The following ZNF783 variants were observed in gnomAD, a reference collection of about 807,000 sequenced individuals.
ZNF783 encodes zinc finger protein 783.
ZNF783 carries 25 observed loss-of-function variants against 31.3 expected under a neutral mutation model. The observed-to-expected ratio is 0.80, with a 90% confidence interval of 0.58 to 1.11. ZNF783 has a LOEUF of 1.11. ZNF783 is among the 50% of genes most tolerant of loss of function. The pLI is 0.00. For missense variants in ZNF783, 797 were observed against 760.0 expected (o/e 1.05, Z -0.57); for synonymous variants, 369 against 319.1 (o/e 1.16, Z -1.66).
In ZNF783 at chr7:149,278,346, C is replaced by T. The variant is rs538379281; in HGVS notation, c.674-53C>T. 2.5e-6 allele frequency: 4 copies of T among 1,593,652 alleles called. No individual in the cohort carries two copies. The African/African-American group carries it at 4.0e-5, about 16-fold the overall frequency. On this transcript the variant is annotated intron_variant, in intron 4 of 5. Transcript: ENST00000434415. ...CTTTCCCCAGAGGGTCCCTGGTCAT[C>T]TGGGCAGGAGACCTCCATGTTGTGC...
chr7:149,270,023 G>A (rs1170294053), intron 4 of ZNF783, among the ~76,000 whole-genome samples: 1 of 152,114 alleles, frequency 6.6e-6, no homozygotes, highest in Non-Finnish European at 1.5e-5. Context: ...TGGCTGCATA[G>A]TATTCCATGG....
intron 4 of ZNF783, among the ~76,000 whole-genome samples, chr7:149,267,569 G>A (rs1004986609): frequency 5.3e-5 from 8 of 152,218 alleles, no homozygotes; most frequent in East Asian, 3.9e-4. Flanking sequence ...AGGCTGAGGC[G>A]GGCGGATCAT....
chr7:149,265,872 C>T (rs1211912154), intron 1 of ZNF783, among the ~76,000 whole-genome samples: 2 of 152,370 alleles, frequency 1.3e-5, no homozygotes, highest in African/African-American at 2.4e-5. Flanking sequence ...GTTGAAAACA[C>T]CTTGCCCACA....
rs569158293 is a variant in ZNF783, at chr7:149,263,246, A to T, written c.24+889A>T. ...CCGGCCATTTTAAAATTTTTTAATT[A>T]AAAAAGTATATATATATACGTGTGT... On this transcript the variant is annotated intron_variant, in intron 1 of 5. Coordinates refer to ENST00000434415, the MANE Select transcript of ZNF783 (RefSeq NM_001195220.2). Among the ~76,000 whole-genome samples, 166 of 150,482 alleles carry T rather than the reference A, an allele frequency of 1.1e-3. 1 individual carries two copies. The highest frequency in any genetic ancestry group is 0.01 in the Middle Eastern group (3 of 290).
At chr7:149,270,890 GGAAA>G (rs1161491166) in intron 4 of ZNF783, among the ~76,000 whole-genome samples, 8 of 151,986 alleles carry the variant, frequency 5.3e-5, no homozygotes, top group Non-Finnish European at 1.2e-4. Context: ...ACATATTTTT[GGAAA>G]GAAAAAAGAA....
At chr7:149,262,449 G>C in intron 1 of ZNF783, 92 bp downstream of exon 1, 1 of 1,051,726 alleles carries the variant, frequency 9.5e-7, no homozygotes, top group Admixed American at 4.7e-5. Flanking sequence ...AGGCCGCGGG[G>C]TGAGAGGGCC....
intron 1 of ZNF783, among the ~76,000 whole-genome samples, chr7:149,262,723 CG>C (rs1009286221): frequency 2.0e-5 from 3 of 152,186 alleles, no homozygotes; most frequent in African/African-American, 7.2e-5. Flanking sequence ...GCCAGCCCCA[CG>C]GGACAGTAGC....
chr7:149,282,213 A>T lies in ZNF783; in HGVS notation c.1511A>T (p.Asn504Ile). The stretch of plus-strand genomic sequence containing the variant: ...TGCCCCCAGTGTGGCCGGACCTTCA[A>T]CCGCAACCACCACCTGGCCGTGCAC... ...YQCPQCGRTF[N>I]RNHHLAVHMQ... The change falls in exon 6 of 6, where the codon AAC (asparagine) becomes ATC (isoleucine). Residue 504 changes from asparagine to isoleucine, a missense_variant. Coordinates refer to ENST00000434415, the MANE Select transcript of ZNF783 (RefSeq NM_001195220.2). The T allele has an allele frequency of 6.3e-7, 1 of 1,598,682 alleles. No homozygotes were observed. The highest frequency in any genetic ancestry group is 8.5e-7 in the Non-Finnish European group (1 of 1,179,112).
chr7:149,276,941 C>G (rs927528507), intron 4 of ZNF783, among the ~76,000 whole-genome samples: 1 of 151,980 alleles, frequency 6.6e-6, no homozygotes, highest in Admixed American at 6.6e-5. Context: ...CTCCGCCTCC[C>G]GGGTTCATGC....
chr7:149,282,140 G>A lies in ZNF783; in HGVS notation c.1438G>A (p.Asp480Asn). The A allele has an allele frequency of 6.2e-7, 1 of 1,600,088 alleles. No individual in the cohort carries two copies. The change falls in exon 6 of 6, where the codon GAC becomes AAC. Residue 480 changes from aspartate to asparagine, a missense_variant. Coordinates refer to ENST00000434415, the MANE Select transcript of ZNF783 (RefSeq NM_001195220.2). ...YCGKAFRRPS[D>N]LFRHQRIHTG... ...CGGCAAGGCCTTCCGCCGGCCCTCG[G>A]ACCTCTTCCGGCACCAGCGCATCCA...
At chr7:149,265,536 T>C (rs1398551621) in intron 1 of ZNF783, among the ~76,000 whole-genome samples, 1 of 152,200 alleles carries the variant, frequency 6.6e-6, no homozygotes, top group African/African-American at 2.4e-5. Flanking sequence ...TCATCTCCCT[T>C]GTGTCTCCTC....
intron 4 of ZNF783, among the ~76,000 whole-genome samples, chr7:149,271,708 G>C (rs1053107048): frequency 6.6e-5 from 10 of 152,088 alleles, no homozygotes; most frequent in African/African-American, 2.4e-4. Context: ...CATCCTTGTG[G>C]CCTCTCACTA....
chr7:149,278,730 G>GT (rs890819943), intron 5 of ZNF783, among the ~76,000 whole-genome samples: 1 of 152,164 alleles, frequency 6.6e-6, no homozygotes, highest in Non-Finnish European at 1.5e-5. Flanking sequence ...CATTTTCAGC[G>GT]TGAGAAAACA....
At position 149,266,840 on chromosome 7, in the gene ZNF783, G is replaced by A. The variant is rs754283547; in HGVS notation, c.442G>A (p.Val148Met). ...CCAGGTGCCCGTGACCTTCGATGAT[G>A]TGGCCGTGTATTTCTCTGAGCTGGA... ...APKVPVTFDD[V>M]AVYFSELEWG... Residue 148 changes from valine to methionine, a missense_variant, in exon 3 of 6, where the codon GTG becomes ATG. By Grantham distance (21) the Val-to-Met change is conservative. Coordinates refer to ENST00000434415, the MANE Select transcript of ZNF783 (RefSeq NM_001195220.2). 2.5e-6 allele frequency: 4 copies of A among 1,614,104 alleles called. No homozygotes were observed. Among genetic ancestry groups the A allele is most frequent in the Non-Finnish European group, 3.4e-6 (4 of 1,180,020 alleles).
In ZNF783 at chr7:149,267,125, C is replaced by T. The variant is rs540988757; in HGVS notation, c.576C>T (p.Leu192=). The T allele has an allele frequency of 4.7e-5, 75 of 1,599,736 alleles. No homozygotes were observed. The East Asian group carries it at 1.3e-3, about 28-fold the overall frequency. Residue 192 remains leucine, a synonymous_variant, in exon 4 of 6, where the codon CTC becomes CTT. Transcript: ENST00000434415. Reference sequence around the variant, plus strand: ...ATGCAATCTCCAAACCAGACATCCTCACCCGGATAGAGAGGGGAGAGGAGC... The same window carrying T: ...ATGCAATCTCCAAACCAGACATCCTTACCCGGATAGAGAGGGGAGAGGAGC... The part of the protein sequence containing the change: ...LDYAISKPDI[L]TRIERGEEPC...
chr7:149,271,087 C>T (rs529701926), intron 4 of ZNF783, among the ~76,000 whole-genome samples: 5 of 152,196 alleles, frequency 3.3e-5, no homozygotes, highest in East Asian at 1.9e-4. Flanking sequence ...TACAGGTGCC[C>T]GCCACCACGC....
intron 5 of ZNF783, 40 bp from the exon 6 acceptor site, chr7:149,281,465 G>A: frequency 1.4e-6 from 2 of 1,420,512 alleles, no homozygotes; most frequent in South Asian, 1.6e-5. Flanking sequence ...GGACAGGGTG[G>A]TGAGGTCCAC....
In ZNF783 at chr7:149,262,348, G is replaced by T; in HGVS notation, c.15G>T (p.Ala5=). The change falls in exon 1 of 6, where the codon GCG becomes GCT. Residue 5 remains alanine, a synonymous_variant. Transcript: ENST00000434415. MAEA[A]PARDPETDKH... is the part of the protein sequence containing the mutation. ...CGCGGGCAGCCATGGCCGAAGCGGC[G>T]CCTGCCCGGGTAAGCGCCCTCGGCC... The T allele has an allele frequency of 7.5e-7, 1 of 1,330,986 alleles. No homozygotes were observed. The highest frequency in any genetic ancestry group is 1.8e-5 in the South Asian group (1 of 55,190). The allele number at this position is 1,330,986 out of a possible 1,614,324, so 82.4% of individuals were successfully genotyped here.
At chr7:149,271,020 G>A (rs1797198657) in intron 4 of ZNF783, among the ~76,000 whole-genome samples, 1 of 152,116 alleles carries the variant, frequency 6.6e-6, no homozygotes, top group African/African-American at 2.4e-5. Context: ...CTCACTGCAA[G>A]CTCCACCTCC....
Sources: allele counts gnomAD v4.1 joint callset (sites outside exome capture counted in the v4.1 genomes callset), GRCh38; gene constraint gnomAD v4.1.1; transcripts MANE v1.5; gene names NCBI Gene and HGNC (gene_info 2026-07-23, HGNC 2026-07-21).